Variants in SLC45A4 observed in about 807,000 individuals in gnomAD.
The protein encoded by SLC45A4 is solute carrier family 45 member 4.
Under a neutral mutation model 63.7 loss-of-function variants are expected in SLC45A4, and 32 were observed. The observed-to-expected ratio is 0.50, with a 90% CI of 0.38 to 0.67. The LOEUF is 0.67. SLC45A4 is among the 30% of genes least tolerant of loss of function. The pLI is 0.00. For synonymous variants in SLC45A4, 535 were observed against 510.0 expected (o/e 1.05, Z -0.66); for missense variants, 1,027 against 1,157.7 (o/e 0.89, Z 1.64).
chr8:141,301,401 G>A (rs1237754631), intron 1 of SLC45A4, among the ~76,000 whole-genome samples: 2 of 152,110 alleles, frequency 1.3e-5, no homozygotes, highest in Admixed American at 6.6e-5. Flanking sequence ...AATGATCACA[G>A]AAATGTTTTA....
rs776385852 is a variant in SLC45A4 at position 141,218,242 on chromosome 8, C to T, written c.1398G>A (p.Arg466=). ...SDLYDMQKRQ[R]QHRHRNQSGA... ...CGCTCTGGTTCCGGTGCCGGTGCTG[C>T]CGCTGCCGCTTCTGCATGTCGTACA... The change falls in exon 5 of 9, where the codon CGG becomes CGA. Residue 466 remains arginine (R), a synonymous_variant. Coordinates refer to ENST00000517878, the MANE Select transcript of SLC45A4 (RefSeq NM_001286646.2). The T allele has an allele frequency of 6.2e-7, 1 of 1,601,906 alleles. No homozygotes were observed. Among genetic ancestry groups the T allele is most frequent in the Non-Finnish European group, 8.5e-7 (1 of 1,179,626 alleles).
intron 7 of SLC45A4, among the ~76,000 whole-genome samples, chr8:141,214,960 G>T (rs1390373022): frequency 6.6e-6 from 1 of 152,210 alleles, no homozygotes; most frequent in African/African-American, 2.4e-5. Flanking sequence ...GGAGGTGTTT[G>T]TGGCAAGGGA....
chr8:141,211,929 C>A, intron 8 of SLC45A4: 10 of 1,258,440 alleles, frequency 7.9e-6, no homozygotes, highest in Non-Finnish European at 1.0e-5. Context: ...ATTAAAATAT[C>A]TTTTTCAATT....
chr8:141,219,877 G>A, intron 3 of SLC45A4, 48 bp from the exon 4 acceptor site: 2 of 1,478,380 alleles, frequency 1.4e-6, no homozygotes, highest in Non-Finnish European at 1.8e-6. Flanking sequence ...GCACTGGCCA[G>A]GGTGGGCCTG....
chr8:141,279,631 T>G (rs1414272424), intron 1 of SLC45A4, among the ~76,000 whole-genome samples: 2 of 152,216 alleles, frequency 1.3e-5, no homozygotes, highest in African/African-American at 4.8e-5. Context: ...TGGAAACACC[T>G]GACCTGGTGC....
intron 5 of SLC45A4, among the ~76,000 whole-genome samples, 184 bp downstream of exon 5, chr8:141,217,827 A>G (rs1339167213): frequency 6.6e-6 from 1 of 152,164 alleles, no homozygotes; most frequent in African/African-American, 2.4e-5. Context: ...GCCCCCACCA[A>G]GTTCCCAGAG....
At chr8:141,235,644 G>A (rs1422432063) in intron 2 of SLC45A4, among the ~76,000 whole-genome samples, 11 of 152,192 alleles carry the variant, frequency 7.2e-5, no homozygotes, top group Admixed American at 6.6e-4. Flanking sequence ...ACGGAAGAGG[G>A]AGAGAGGGGC....
chr8:141,252,883 A>G (rs75874330), intron 2 of SLC45A4, among the ~76,000 whole-genome samples: 5 of 93,516 alleles, frequency 5.3e-5, no homozygotes, highest in African/African-American at 1.5e-4. Flanking sequence ...CTGTTTTCAT[A>G]TCCACCTGTG....
chr8:141,253,220 C>CGA (rs34995102), intron 2 of SLC45A4: 3,586 of 75,944 alleles, frequency 0.047, 571 homozygotes, highest in Admixed American at 0.2. Context: ...TGCCCACCTG[C>CGA]GTGTCTGTGA....
chr8:141,306,375 C>T (rs1830898782), intron 1 of SLC45A4, among the ~76,000 whole-genome samples: 1 of 152,238 alleles, frequency 6.6e-6, no homozygotes, highest in Non-Finnish European at 1.5e-5. Flanking sequence ...ACCTAGTTCC[C>T]CAGCCTCTCT....
At chr8:141,296,836 CAAAAAAAAAAA>C (rs34267017) in intron 1 of SLC45A4, among the ~76,000 whole-genome samples, 7 of 77,278 alleles carry the variant, frequency 9.1e-5, no homozygotes, top group Admixed American at 3.5e-4. Context: ...ACTCCATTGC[CAAAAAAAAAAA>C]AAAAAAAAAA....
chr8:141,304,812 C>G (rs1292177945), intron 1 of SLC45A4, among the ~76,000 whole-genome samples: 1 of 152,176 alleles, frequency 6.6e-6, no homozygotes, highest in Non-Finnish European at 1.5e-5. Flanking sequence ...TCTCAAAGGG[C>G]CACTCTATCA....
At chr8:141,288,082 T>C (rs1830218973) in intron 1 of SLC45A4, among the ~76,000 whole-genome samples, 1 of 152,086 alleles carries the variant, frequency 6.6e-6, no homozygotes, top group Admixed American at 6.5e-5. Flanking sequence ...GAGGCTGACG[T>C]GGGAGGATCG....
chr8:141,255,076 G>A (rs1828707832), intron 1 of SLC45A4, among the ~76,000 whole-genome samples: 1 of 152,128 alleles, frequency 6.6e-6, no homozygotes, highest in Admixed American at 6.5e-5. Flanking sequence ...AGAATCAAAA[G>A]GGAAAACTTT....
chr8:141,228,304 C>T, intron 2 of SLC45A4: 1 of 1,607,890 alleles, frequency 6.2e-7, no homozygotes, highest in Non-Finnish European at 8.5e-7. Flanking sequence ...CCAGGCACCT[C>T]CCAGCAACTC....
intron 2 of SLC45A4, chr8:141,228,331 T>A: frequency 6.3e-7 from 1 of 1,594,022 alleles, no homozygotes; most frequent in East Asian, 2.2e-5. Flanking sequence ...GGCCACTGTT[T>A]CTCCTCTTCA....
rs1825776653 is a variant in SLC45A4, at chr8:141,211,083, A to G, written c.*489T>C. 5.0e-6 allele frequency: 1 copy of G among 199,156 alleles called. No homozygotes were observed. Among genetic ancestry groups the G allele is most frequent in the Non-Finnish European group, 1.0e-5 (1 of 98,252 alleles). The allele number at this position is 199,156 out of a possible 1,614,324, so 12.3% of individuals were successfully genotyped here. A position where few individuals can be genotyped will look rare whatever the true frequency, so the allele number is the denominator to read the frequency against. ...GGAGTTCCGACAGGTTCCAGCACGC[A>G]TGTCCCCTTCGCAAGCGGGGGAGGC... On this transcript the variant is annotated 3_prime_UTR_variant, in exon 9 of 9. Transcript: ENST00000517878.
At chr8:141,301,828 A>G in intron 1 of SLC45A4, among the ~76,000 whole-genome samples, 1 of 151,356 alleles carries the variant, frequency 6.6e-6, no homozygotes, top group Non-Finnish European at 1.5e-5. Flanking sequence ...TGGGCATGAT[A>G]GCATACACCT....
chr8:141,274,402 C>A (rs1829652982), intron 1 of SLC45A4, among the ~76,000 whole-genome samples: 1 of 151,988 alleles, frequency 6.6e-6, no homozygotes, highest in Non-Finnish European at 1.5e-5. Flanking sequence ...GGCGTGGTGA[C>A]AGACACCTGT....
Sources: allele counts gnomAD v4.1 joint callset (sites outside exome capture counted in the v4.1 genomes callset), GRCh38; gene constraint gnomAD v4.1.1; transcripts MANE v1.5; gene names NCBI Gene and HGNC (gene_info 2026-07-23, HGNC 2026-07-21).